The following NRXN3 variants were observed in gnomAD, a reference collection of about 807,000 sequenced individuals.
NRXN3 encodes the protein neurexin III.
Under a neutral mutation model 137.6 loss-of-function variants are expected in NRXN3, and 32 were observed. The ratio of observed to expected loss-of-function variants is 0.23; its 90% CI spans 0.18 to 0.31. The LOEUF (loss-of-function observed/expected upper bound fraction) is 0.31, where lower values mean the gene tolerates loss of function less well. Ranked by LOEUF, NRXN3 falls within the 10% of genes least tolerant of loss-of-function variation. The pLI is 1.00. For synonymous variants in NRXN3, 798 were observed against 784.5 expected (o/e 1.02, Z -0.29); for missense variants, 1,574 against 2,062.5 (o/e 0.76, Z 4.59).
At chr14:79,633,355 A>G (rs893995113) in intron 16 of NRXN3, 6 of 152,138 alleles carry the variant, frequency 3.9e-5, no homozygotes, top group African/African-American at 1.4e-4. Flanking sequence ...GTTCCAACCC[A>G]ATATGATGTC....
chr14:79,446,742 A>G (rs1042779782), intron 15 of NRXN3, among the ~76,000 whole-genome samples: 1 of 152,074 alleles, frequency 6.6e-6, no homozygotes, highest in African/African-American at 2.4e-5. Context: ...CTTCATAATG[A>G]ACTCTTGTGT....
intron 15 of NRXN3, among the ~76,000 whole-genome samples, chr14:79,142,243 T>C (rs1235682764): frequency 2.0e-5 from 3 of 151,898 alleles, no homozygotes; most frequent in Admixed American, 6.6e-5. Context: ...CTGGCCAACA[T>C]GGTGAAACCT....
intron 15 of NRXN3, among the ~76,000 whole-genome samples, chr14:79,384,354 G>A (rs1365372582): frequency 2.0e-5 from 3 of 152,140 alleles, no homozygotes; most frequent in African/African-American, 7.2e-5. Flanking sequence ...TAATGGAAAC[G>A]TGGGAAAAGG....
At chr14:78,640,596 A>G (rs1303935851) in intron 4 of NRXN3, among the ~76,000 whole-genome samples, 1 of 152,226 alleles carries the variant, frequency 6.6e-6, no homozygotes, top group Non-Finnish European at 1.5e-5. Context: ...TTAGGGGGAA[A>G]GAAGTGAAGA....
intron 15 of NRXN3, among the ~76,000 whole-genome samples, chr14:79,241,949 C>A (rs767623192): frequency 6.6e-6 from 1 of 151,966 alleles, no homozygotes; most frequent in Non-Finnish European, 1.5e-5. Context: ...TGACTATAAT[C>A]CCAGCTATTC....
rs201979831 is a variant in NRXN3, at chr14:78,938,316, C to T, written c.2276-18926C>T. 7.9e-5 allele frequency among the ~76,000 whole-genome samples: 12 copies of T among 152,350 alleles called. No individual in the cohort carries two copies. In the East Asian group the frequency reaches 1.7e-3, roughly 22 times the overall value. On this transcript the variant is annotated intron_variant, in intron 10 of 20. Transcript: ENST00000335750. ...TCTGGCTCATTCAAAATCCTATGTTCTTTCTCACACCCTGCTGGCTCACTA... is the reference window on the plus strand; with the variant it reads ...TCTGGCTCATTCAAAATCCTATGTTTTTTCTCACACCCTGCTGGCTCACTA...
chr14:79,053,604 T>A (rs546489435), intron 15 of NRXN3, among the ~76,000 whole-genome samples: 61 of 142,212 alleles, frequency 4.3e-4, no homozygotes, highest in Non-Finnish European at 8.8e-4. Context: ...ATTGTGCGTG[T>A]TCTATGTGTG....
intron 6 of NRXN3, among the ~76,000 whole-genome samples, chr14:78,678,031 A>T (rs568492137): frequency 6.6e-5 from 10 of 152,318 alleles, no homozygotes; most frequent in African/African-American, 9.6e-5. Context: ...TTTTGTATGC[A>T]CCAGGAAATG....
Position 78,724,557 on chromosome 14 carries a change from G to T in NRXN3, c.2044+9418G>T, listed in dbSNP as rs575285465. 4.7e-4 allele frequency among the ~76,000 whole-genome samples: 67 copies of T among 141,426 alleles called. 1 individual carries two copies. The highest frequency in any genetic ancestry group is 1.9e-3 in the African/African-American group (67 of 35,322). The allele number at this position is 141,426 out of a possible 152,430, so 92.8% of individuals were successfully genotyped here. A position where few individuals can be genotyped will look rare whatever the true frequency, so the allele number is the denominator to read the frequency against. ...AGTGGTCAATAGAATAGAATAGAAT[G>T]TTCTTAGTCCCTCGTTTTGGTTCCT... On this transcript the variant is annotated intron_variant, in intron 8 of 20. Transcript: ENST00000335750.
intron 15 of NRXN3, among the ~76,000 whole-genome samples, chr14:79,126,804 C>G (rs375928973): frequency 1.0e-3 from 157 of 152,174 alleles, no homozygotes; most frequent in African/African-American, 2.6e-3. Flanking sequence ...GTGTAAAAGT[C>G]TTCCTATTTC....
At chr14:78,418,415 C>A (rs949145433) in intron 4 of NRXN3, among the ~76,000 whole-genome samples, 1 of 151,984 alleles carries the variant, frequency 6.6e-6, no homozygotes, top group Non-Finnish European at 1.5e-5. Flanking sequence ...GGAGTAAATT[C>A]CAGAGGTGGT....
At chr14:79,207,827 A>G (rs2067016377) in intron 15 of NRXN3, among the ~76,000 whole-genome samples, 1 of 152,166 alleles carries the variant, frequency 6.6e-6, no homozygotes, top group African/African-American at 2.4e-5. Flanking sequence ...TTGTGAAGGT[A>G]TAGTATTGAG....
intron 16 of NRXN3, among the ~76,000 whole-genome samples, chr14:79,511,163 C>T (rs1021974633): frequency 3.9e-5 from 6 of 152,182 alleles, no homozygotes; most frequent in Non-Finnish European, 8.8e-5. Flanking sequence ...ACTTTACCTC[C>T]CTTGGCAGTC....
intron 15 of NRXN3, among the ~76,000 whole-genome samples, chr14:79,146,067 T>A (rs1361025877): frequency 1.3e-5 from 2 of 152,154 alleles, no homozygotes; most frequent in Non-Finnish European, 2.9e-5. Flanking sequence ...CTGCCTAATT[T>A]ATTGCGCTTT....
rs199915933 is a variant in NRXN3, at chr14:79,113,564, C to T, written c.3262+125423C>T. On this transcript the variant is annotated intron_variant, in intron 15 of 20. Transcript: ENST00000335750. The stretch of plus-strand genomic sequence containing the variant: ...AAATTACTATGATGTCTTCACATCA[C>T]TACTAACTTTTTTGAAAAGTAGTCT... Among the ~76,000 whole-genome samples the T allele has an allele frequency of 9.2e-5, 14 of 152,170 alleles. 1 individual carries two copies. In the East Asian group the frequency reaches 1.5e-3, roughly 17 times the overall value.
At chr14:79,826,979 A>C (rs1239104671) in intron 20 of NRXN3, among the ~76,000 whole-genome samples, 1 of 152,128 alleles carries the variant, frequency 6.6e-6, no homozygotes, top group African/African-American at 2.4e-5. Flanking sequence ...TCTAGTATTC[A>C]TTCCTTAGAG....
chr14:78,193,712 A>G (rs10129486), intron 1 of NRXN3, among the ~76,000 whole-genome samples: 11,899 of 146,126 alleles, frequency 0.081, 1,496 homozygotes, highest in African/African-American at 0.27. Flanking sequence ...TAGTGAGCCG[A>G]GATTGTGCCA....
chr14:79,286,722 G>T (rs1193908701), intron 15 of NRXN3, among the ~76,000 whole-genome samples: 1 of 151,840 alleles, frequency 6.6e-6, no homozygotes, highest in Non-Finnish European at 1.5e-5. Context: ...TGTGGTGTTA[G>T]GTGAGGTGGG....
chr14:78,910,141 G>A (rs986630275), intron 10 of NRXN3, among the ~76,000 whole-genome samples: 21 of 152,084 alleles, frequency 1.4e-4, no homozygotes, highest in African/African-American at 4.3e-4. Flanking sequence ...TGTTCTTGCT[G>A]TAGGAGAGAG....
Sources: allele counts gnomAD v4.1 joint callset (sites outside exome capture counted in the v4.1 genomes callset), GRCh38; gene constraint gnomAD v4.1.1; transcripts MANE v1.5; gene names NCBI Gene and HGNC (gene_info 2026-07-23, HGNC 2026-07-21).